Variants in NSA2 observed in about 807,000 individuals in gnomAD.
NSA2 encodes the protein NSA2 ribosome biogenesis factor, also known as ribosome biogenesis protein NSA2 homolog.
NSA2 carries 18 observed loss-of-function variants against 34.8 expected under a neutral mutation model. That is an observed-to-expected ratio of 0.52 (90% confidence interval 0.36 to 0.77). NSA2 has a LOEUF of 0.77. Among genes scored for constraint, NSA2 ranks in the 30% least tolerant of loss-of-function variants. The pLI is 0.00. For missense variants in NSA2, 188 were observed against 314.7 expected (o/e 0.60, Z 3.05); for synonymous variants, 79 against 100.2 (o/e 0.79, Z 1.26).
intron 4 of NSA2, chr5:74,771,569 C>G (rs546003700): frequency 6.6e-6 from 1 of 151,520 alleles, no homozygotes; most frequent in Non-Finnish European, 1.5e-5. Context: ...ATTGAAAAGC[C>G]GGGCGCGGTG....
At chr5:74,767,423 A>T in intron 1 of NSA2, 60 bp downstream of exon 1, 1 of 1,601,910 alleles carries the variant, frequency 6.2e-7, no homozygotes, top group Non-Finnish European at 8.5e-7. Flanking sequence ...GGACCTGAGG[A>T]CTCTGGGGCG....
At position 74,777,615 on chromosome 5, in the gene NSA2, T is replaced by G. The variant is rs1192794742; in HGVS notation, c.*944T>G. The G allele has an allele frequency of 2.0e-5, 3 of 152,026 alleles. No individual in the cohort carries two copies. Among genetic ancestry groups the G allele is most frequent in the Admixed American group, 6.5e-5 (1 of 15,280 alleles). The allele number at this position is 152,026 out of a possible 1,614,324, so 9.4% of individuals were successfully genotyped here. On this transcript the variant is annotated 3_prime_UTR_variant, in exon 6 of 6. Transcript: ENST00000610426. ...ATTTTTTTTTTAAAGAAGTCTGTCT[T>G]CAGAGTACAACCAATGTGATTAATT... is the stretch of plus-strand genomic sequence containing the variant.
chr5:74,776,715 A>C lies in NSA2; in HGVS notation c.*44A>C, dbSNP rs1453474924. ...TTATTGAGGACTACACACCAATTGA[A>C]GAAACTGCCATTACTGTGATGTTTC... On this transcript the variant is annotated 3_prime_UTR_variant, in exon 6 of 6. Transcript: ENST00000610426. The C allele has an allele frequency of 2.1e-6, 2 of 940,880 alleles. No homozygotes were observed. The highest frequency in any genetic ancestry group is 1.8e-6 in the Non-Finnish European group (1 of 570,546). The allele number at this position is 940,880 out of a possible 1,614,324, so 58.3% of individuals were successfully genotyped here.
In NSA2 at chr5:74,770,822, G is replaced by C; in HGVS notation, c.522+12G>C. 2 of 1,561,866 alleles carry C rather than the reference G, an allele frequency of 1.3e-6. No individual in the cohort carries two copies. Among genetic ancestry groups the C allele is most frequent in the Non-Finnish European group, 1.7e-6 (2 of 1,157,280 alleles). Reference sequence around the variant, plus strand: ...TCATCAGGCCAATGGTAAGTCCTTGGAAGAGTGTAATGACCGAAATGTTAG... The same window carrying C: ...TCATCAGGCCAATGGTAAGTCCTTGCAAGAGTGTAATGACCGAAATGTTAG... On this transcript the variant is annotated intron_variant, in intron 4 of 5. Coordinates refer to ENST00000610426, the MANE Select transcript of NSA2 (RefSeq NM_014886.6).
chr5:74,772,510 T>A (rs1744977049), intron 4 of NSA2, among the ~76,000 whole-genome samples: 1 of 152,232 alleles, frequency 6.6e-6, no homozygotes, highest in Admixed American at 6.5e-5. Context: ...CCTGTTCATT[T>A]ACATATTGCA....
rs1745193454 is a variant in NSA2, at chr5:74,777,735, C to G, written c.*1064C>G. The G allele has an allele frequency of 6.6e-6, 1 of 151,356 alleles. No individual in the cohort carries two copies. The highest frequency in any genetic ancestry group is 1.9e-4 in the East Asian group (1 of 5,154). 9.4% of individuals were successfully genotyped at this position (151,356 alleles called of 1,614,324 possible). ...AAGGAAAGGAATTTAAAAACACAGA[C>G]CAGGAAACAATCACAAAATATAGGT... is the stretch of plus-strand genomic sequence containing the variant. On this transcript the variant is annotated 3_prime_UTR_variant, in exon 6 of 6. Transcript: ENST00000610426.
chr5:74,771,141 G>T (rs766876264), intron 4 of NSA2, among the ~76,000 whole-genome samples: 3 of 152,012 alleles, frequency 2.0e-5, no homozygotes, highest in Non-Finnish European at 4.4e-5. Flanking sequence ...TAAGCTGGGC[G>T]TGGTGGCGGG....
chr5:74,769,184 T>A (rs771890541), intron 2 of NSA2, 30 bp from the exon 3 acceptor site: 2 of 1,594,368 alleles, frequency 1.3e-6, no homozygotes, highest in Admixed American at 3.7e-5. Context: ...TTAAAACAGA[T>A]AATCTTGAAT....
chr5:74,767,639 A>C (rs1344416280), intron 1 of NSA2, among the ~76,000 whole-genome samples: 3 of 152,192 alleles, frequency 2.0e-5, no homozygotes, highest in African/African-American at 7.2e-5. Context: ...AGTCCTAAAA[A>C]TTCCTGATTT....
intron 5 of NSA2, among the ~76,000 whole-genome samples, chr5:74,776,007 G>C (rs1354500413): frequency 6.6e-6 from 1 of 152,182 alleles, no homozygotes; most frequent in East Asian, 1.9e-4. Context: ...ATGTGAAAAA[G>C]TGACAATGCT....
chr5:74,773,270 A>G (rs986889746), intron 4 of NSA2, among the ~76,000 whole-genome samples: 2 of 151,896 alleles, frequency 1.3e-5, no homozygotes, highest in African/African-American at 4.8e-5. Flanking sequence ...GTCCTTAGTA[A>G]GTCTAAGTGT....
chr5:74,776,652 A>C lies in NSA2; in HGVS notation c.764A>C (p.Asn255Thr). 1 of 1,590,190 alleles carries C rather than the reference A, an allele frequency of 6.3e-7. No homozygotes were observed. Among genetic ancestry groups the C allele is most frequent in the Non-Finnish European group, 8.6e-7 (1 of 1,159,924 alleles). Reference protein sequence around the residue: ...TNNPENDGCINAVLLV With the variant: ...TNNPENDGCITAVLLV ...AATCCTGAAAATGATGGATGTATAA[A>C]TGCAGTCTTACTGGTTTGACAGCAA... Residue 255 changes from asparagine (N) to threonine (T), a missense_variant, in exon 6 of 6, where the codon AAT becomes ACT. By Grantham distance (65) the Asn-to-Thr change is moderately conservative (BLOSUM62 0). Coordinates refer to ENST00000610426, the MANE Select transcript of NSA2 (RefSeq NM_014886.6).
intron 4 of NSA2, among the ~76,000 whole-genome samples, chr5:74,771,294 AT>A (rs1230110357): frequency 6.6e-6 from 1 of 152,020 alleles, no homozygotes; most frequent in African/African-American, 2.4e-5. Flanking sequence ...AAAAAAAAAA[AT>A]CTTTTCAGCT....
chr5:74,771,211 C>T (rs995376192), intron 4 of NSA2, among the ~76,000 whole-genome samples: 9 of 149,996 alleles, frequency 6.0e-5, no homozygotes, highest in South Asian at 4.2e-4. Context: ...ACCTGGGAGG[C>T]GGAGGTTGCA....
At position 74,775,106 on chromosome 5, in the gene NSA2, C is replaced by T. The variant is rs546851726; in HGVS notation, c.715+1046C>T. ...TGGCCCACACCTGTAATCCCAGCTG[C>T]TCCGGTGGCTGAGGCAGGAGAATCG... On this transcript the variant is annotated intron_variant, in intron 5 of 5. Coordinates refer to ENST00000610426, the MANE Select transcript of NSA2 (RefSeq NM_014886.6). 7.2e-5 allele frequency among the ~76,000 whole-genome samples: 11 copies of T among 152,184 alleles called. No homozygotes were observed. The South Asian group carries it at 1.7e-3, about 23-fold the overall frequency.
chr5:74,774,403 ACCAGCCTGG>A (rs1430714543), intron 5 of NSA2, among the ~76,000 whole-genome samples: 4 of 152,040 alleles, frequency 2.6e-5, no homozygotes, highest in African/African-American at 9.6e-5. Flanking sequence ...GGAGTTTGAG[ACCAGCCTGG>A]CCAACATGGC....
chr5:74,771,822 C>A (rs1744940203), intron 4 of NSA2, among the ~76,000 whole-genome samples: 1 of 148,876 alleles, frequency 6.7e-6, no homozygotes, highest in Non-Finnish European at 1.5e-5. Flanking sequence ...CCACTGCACT[C>A]CAGCCTGGGG....
chr5:74,775,110 G>A (rs910177708), intron 5 of NSA2, among the ~76,000 whole-genome samples: 4 of 152,118 alleles, frequency 2.6e-5, no homozygotes, highest in East Asian at 1.9e-4. Flanking sequence ...CAGCTGCTCC[G>A]GTGGCTGAGG....
At position 74,778,810 on chromosome 5, in the gene NSA2, G is replaced by C. The variant is rs1482727307; in HGVS notation, c.*2139G>C. ...TCCCTTCACAAATAAGTTCACAAAG[G>C]ACTATGTGTAATGTGACTGGACATT... On this transcript the variant is annotated 3_prime_UTR_variant, in exon 6 of 6. Transcript: ENST00000610426. 1 of 151,998 alleles carries C rather than the reference G, an allele frequency of 6.6e-6. No individual in the cohort carries two copies. The highest frequency in any genetic ancestry group is 1.5e-5 in the Non-Finnish European group (1 of 67,910). The allele number at this position is 151,998 out of a possible 1,614,324, so 9.4% of individuals were successfully genotyped here.
Sources: gnomAD v4.1 joint callset for allele counts (sites outside exome capture counted in the v4.1 genomes callset) on GRCh38, gnomAD v4.1.1 for gene constraint, MANE v1.5 for transcripts, NCBI Gene and HGNC (gene_info 2026-07-23, HGNC 2026-07-21) for gene names.